The following SASH1 variants were observed in gnomAD, a reference collection of about 807,000 sequenced individuals.
SASH1 encodes SAM and SH3 domain-containing protein 1.
A neutral mutation model predicts 125.2 loss-of-function variants in SASH1; 44 were observed. The ratio of observed to expected loss-of-function variants is 0.35; its 90% CI spans 0.28 to 0.45. The LOEUF (loss-of-function observed/expected upper bound fraction) is 0.45, where lower values mean the gene tolerates loss of function less well. Ranked by LOEUF, SASH1 falls within the 20% of genes least tolerant of loss-of-function variation. The pLI is 1.00. For synonymous variants in SASH1, 639 were observed against 649.1 expected (o/e 0.98, Z 0.24); for missense variants, 1,426 against 1,614.5 (o/e 0.88, Z 2.00).
At chr6:148,451,631 C>T (rs1777105497) in intron 4 of SASH1, among the ~76,000 whole-genome samples, 1 of 152,102 alleles carries the variant, frequency 6.6e-6, no homozygotes, top group African/African-American at 2.4e-5. Context: ...GACCCAGTCT[C>T]TTAAAAGAAA....
At chr6:148,198,998 A>G in the SASH1 span, among the ~76,000 whole-genome samples, 1 of 152,126 alleles carries the variant, frequency 6.6e-6, no homozygotes, top group African/African-American at 2.4e-5. Flanking sequence ...CTAATCCCTC[A>G]TTTTACAAAG....
At chr6:148,546,286 T>G in intron 19 of SASH1, 140 bp downstream of exon 19, 1 of 973,144 alleles carries the variant, frequency 1.0e-6, no homozygotes, top group Non-Finnish European at 1.5e-6. Context: ...TAATATGTGG[T>G]CAGCCTAGAA....
At chr6:148,466,460 C>T (rs12527475) in intron 4 of SASH1, among the ~76,000 whole-genome samples, 1 of 151,996 alleles carries the variant, frequency 6.6e-6, no homozygotes, top group Non-Finnish European at 1.5e-5. Context: ...GGCTGCTCTG[C>T]GTGAAAAAGC....
intron 7 of SASH1, among the ~76,000 whole-genome samples, chr6:148,486,077 TA>T (rs1351290426): frequency 6.6e-6 from 1 of 152,094 alleles, no homozygotes; most frequent in African/African-American, 2.4e-5. Context: ...AAAGACATTA[TA>T]AAAAATTTTT....
chr6:148,427,441 T>C (rs1337215586), intron 2 of SASH1, among the ~76,000 whole-genome samples: 1 of 152,218 alleles, frequency 6.6e-6, no homozygotes, highest in Non-Finnish European at 1.5e-5. Context: ...TTTTGTACAC[T>C]GTAAAAGGTG....
At chr6:148,234,005 T>C in the SASH1 span, among the ~76,000 whole-genome samples, 1 of 152,020 alleles carries the variant, frequency 6.6e-6, no homozygotes, top group South Asian at 2.1e-4. Flanking sequence ...GCATTTGCTG[T>C]GAAATGAGTA....
chr6:148,472,492 G>A (rs1261368224), intron 6 of SASH1, among the ~76,000 whole-genome samples: 2 of 151,206 alleles, frequency 1.3e-5, no homozygotes, highest in Non-Finnish European at 2.9e-5. Flanking sequence ...GAGAGGTACA[G>A]AGGGAGAGGG....
At chr6:148,204,543 T>A in the SASH1 span, among the ~76,000 whole-genome samples, 2 of 151,976 alleles carry the variant, frequency 1.3e-5, no homozygotes, top group African/African-American at 4.8e-5. Context: ...AATACAAAAA[T>A]TAGCCAGGCA....
intron 4 of SASH1, among the ~76,000 whole-genome samples, chr6:148,442,681 ATATAG>A (rs1219334188): frequency 6.6e-6 from 1 of 152,238 alleles, no homozygotes; most frequent in Non-Finnish European, 1.5e-5. Flanking sequence ...TTACAGAATA[ATATAG>A]TATAATGACC....
At chr6:148,307,539 C>T (rs1473805149) in intron 1 of SASH1, among the ~76,000 whole-genome samples, 1 of 152,128 alleles carries the variant, frequency 6.6e-6, no homozygotes, top group Non-Finnish European at 1.5e-5. Context: ...ATTTATGAAA[C>T]AGGTTCCGTG....
intron 4 of SASH1, among the ~76,000 whole-genome samples, chr6:148,464,485 T>C (rs1217814940): frequency 6.6e-6 from 1 of 152,162 alleles, no homozygotes; most frequent in East Asian, 1.9e-4. Context: ...TCCTCAGGCC[T>C]GGGGCTTCTG....
chr6:148,200,188 T>C, the SASH1 span, among the ~76,000 whole-genome samples: 5 of 152,248 alleles, frequency 3.3e-5, no homozygotes, highest in Admixed American at 1.3e-4. Flanking sequence ...AGCATTTGTA[T>C]TGAAGATGTC....
rs1778161464 is a variant in SASH1 at position 148,472,452 on chromosome 6, A to T, written c.514+949A>T. 2.0e-5 allele frequency among the ~76,000 whole-genome samples: 3 copies of T among 152,090 alleles called. No homozygotes were observed. In the South Asian group the frequency reaches 6.2e-4, roughly 32 times the overall value. On this transcript the variant is annotated intron_variant, in intron 6 of 19. Coordinates refer to ENST00000367467, the MANE Select transcript of SASH1 (RefSeq NM_015278.5). The stretch of plus-strand genomic sequence containing the variant: ...AAAATAAACCTTGGATTCTAAAAAA[A>T]AAAAAAACAGTCTAAAGCTAAGGGA...
intron 2 of SASH1, among the ~76,000 whole-genome samples, chr6:148,396,247 G>A (rs796786975): frequency 4.1e-4 from 63 of 152,158 alleles, no homozygotes; most frequent in African/African-American, 1.5e-3. Flanking sequence ...GGGAGGCCAA[G>A]GCGGGCAGAT....
At position 148,548,746 on chromosome 6, in the gene SASH1, A is replaced by C. The variant is rs974179733; in HGVS notation, c.*188A>C. 6 of 568,066 alleles carry C rather than the reference A, an allele frequency of 1.1e-5. No homozygotes were observed. The highest frequency in any genetic ancestry group is 3.6e-5 in the Admixed American group (1 of 27,688). 35.2% of individuals were successfully genotyped at this position (568,066 alleles called of 1,614,324 possible). On this transcript the variant is annotated 3_prime_UTR_variant, in exon 20 of 20. Transcript: ENST00000367467. ...CTCCTCCAGAAAAGCCCCCTCGAGG[A>C]AATAAATTAGTGCGGTTCTCTTTGA... is the stretch of plus-strand genomic sequence containing the variant.
intron 1 of SASH1, among the ~76,000 whole-genome samples, chr6:148,324,118 C>CAAAAAAAAAAAAAAAAAAAAAAAAAAA (rs56950339): frequency 3.4e-5 from 2 of 59,426 alleles, no homozygotes; most frequent in Non-Finnish European, 5.6e-5. Context: ...GAATCTGTCT[C>CAAAAAAAAAAAAAAAAAAAAAAAAAAA]AAAAAAAAAA....
intron 1 of SASH1, among the ~76,000 whole-genome samples, chr6:148,325,728 G>C (rs538462620): frequency 6.6e-6 from 1 of 152,232 alleles, no homozygotes; most frequent in African/African-American, 2.4e-5. Flanking sequence ...TGAGATTTGG[G>C]TGGAGACACA....
intron 1 of SASH1, among the ~76,000 whole-genome samples, chr6:148,377,303 AAT>A (rs1782954370): frequency 6.6e-6 from 1 of 151,860 alleles, no homozygotes; most frequent in South Asian, 2.1e-4. Context: ...ATGGTAGTAA[AAT>A]GCTGAGGATT....
At chr6:148,264,328 T>C in the SASH1 span, among the ~76,000 whole-genome samples, 1 of 152,232 alleles carries the variant, frequency 6.6e-6, no homozygotes, top group Non-Finnish European at 1.5e-5. Context: ...ATTAGGTTCA[T>C]AGAAGACTGC....
Sources: gnomAD v4.1 joint callset for allele counts (sites outside exome capture counted in the v4.1 genomes callset) on GRCh38, gnomAD v4.1.1 for gene constraint, MANE v1.5 for transcripts, NCBI Gene and HGNC (gene_info 2026-07-23, HGNC 2026-07-21) for gene names.